Variants in ESR1 observed in about 807,000 individuals in gnomAD.
ESR1 encodes the protein estrogen receptor 1, also known as estrogen receptor.
Under a neutral mutation model 52.7 loss-of-function variants are expected in ESR1, and 12 were observed. The ratio of observed to expected loss-of-function variants is 0.23; its 90% CI spans 0.15 to 0.37. The LOEUF (loss-of-function observed/expected upper bound fraction) is 0.37, where lower values mean the gene tolerates loss of function less well. Among genes scored for constraint, ESR1 ranks in the 10% least tolerant of loss-of-function variants. The pLI is 1.00. For synonymous variants in ESR1, 305 were observed against 316.8 expected (o/e 0.96, Z 0.39); for missense variants, 584 against 779.7 (o/e 0.75, Z 2.99).
chr6:151,689,995 CAGAA>C (rs1204343614), upstream of ESR1, among the ~76,000 whole-genome samples: 4 of 152,008 alleles, frequency 2.6e-5, no homozygotes, highest in African/African-American at 9.7e-5. Flanking sequence ...GATCATATGA[CAGAA>C]GGAAGGGCTG....
intron 4 of ESR1, among the ~76,000 whole-genome samples, chr6:151,991,432 G>A (rs2041001560): frequency 6.6e-6 from 1 of 150,958 alleles, no homozygotes; most frequent in African/African-American, 2.5e-5. Context: ...CCTGCTAAGT[G>A]CTACAAGGAA....
chr6:151,896,838 C>T (rs117273395), intron 3 of ESR1, among the ~76,000 whole-genome samples: 2,924 of 152,076 alleles, frequency 0.019, 56 homozygotes, highest in South Asian at 0.086. Context: ...CTTTCCTCTT[C>T]GCATTGCTTT....
At chr6:151,879,454 G>C (rs1792410407) in intron 2 of ESR1, among the ~76,000 whole-genome samples, 1 of 152,108 alleles carries the variant, frequency 6.6e-6, no homozygotes, top group East Asian at 1.9e-4. Context: ...CTGGGAACAA[G>C]GGATAAGATA....
chr6:151,738,375 T>C (rs948929309), intron 2 of ESR1, among the ~76,000 whole-genome samples: 15 of 152,324 alleles, frequency 9.8e-5, no homozygotes, highest in African/African-American at 3.1e-4. Flanking sequence ...TTTGGGTATA[T>C]GTCCAGAAGT....
At chr6:151,760,485 C>T (rs1410157058) in intron 2 of ESR1, among the ~76,000 whole-genome samples, 1 of 152,194 alleles carries the variant, frequency 6.6e-6, no homozygotes, top group African/African-American at 2.4e-5. Context: ...GTGTTTCCAT[C>T]TTGAGAGCCA....
intron 3 of ESR1, among the ~76,000 whole-genome samples, chr6:151,929,245 G>C (rs1022467903): frequency 1.3e-5 from 2 of 152,040 alleles, no homozygotes; most frequent in Non-Finnish European, 2.9e-5. Context: ...ATTCACTTTT[G>C]TTAGGTATAC....
chr6:152,090,806 G>T (rs2050117834), intron 6 of ESR1, among the ~76,000 whole-genome samples: 1 of 152,182 alleles, frequency 6.6e-6, no homozygotes, highest in African/African-American at 2.4e-5. Context: ...TCTTGTACAT[G>T]GGGGTGTCCT....
intron 4 of ESR1, among the ~76,000 whole-genome samples, chr6:151,958,546 T>C (rs938197916): frequency 6.6e-6 from 1 of 152,190 alleles, no homozygotes; most frequent in Admixed American, 6.5e-5. Context: ...GATGTGGCAG[T>C]TGGTCATCAT....
chr6:151,823,273 A>T (rs1488918277), intron 1 of ESR1, among the ~76,000 whole-genome samples: 1 of 152,086 alleles, frequency 6.6e-6, no homozygotes, highest in African/African-American at 2.4e-5. Context: ...CTGCTTTTCT[A>T]CCAGGAAAGG....
chr6:152,031,411 A>G (rs187693879), intron 5 of ESR1, among the ~76,000 whole-genome samples: 89 of 152,332 alleles, frequency 5.8e-4, no homozygotes, highest in African/African-American at 1.7e-3. Context: ...TAAAGAAGAA[A>G]AGAGAGAAGA....
In ESR1 at chr6:152,021,466, TTC is replaced by T. The variant is rs572728257; in HGVS notation, c.1235+9674_1235+9675del. On this transcript the variant is annotated intron_variant, in intron 5 of 7. Transcript: ENST00000206249. Reference sequence around the variant, plus strand: ...AACCCTGACTAATACACCCAGTGTGTTCTTTTATCAAATAGAAAGGAGATATA... The same window carrying T: ...AACCCTGACTAATACACCCAGTGTGTTTTTATCAAATAGAAAGGAGATATA... 7.9e-5 allele frequency among the ~76,000 whole-genome samples: 12 copies of T among 152,306 alleles called. No individual in the cohort carries two copies. In the South Asian group the frequency reaches 2.5e-3, roughly 32 times the overall value.
At chr6:151,719,989 A>C (rs1282888873) in intron 2 of ESR1, among the ~76,000 whole-genome samples, 1 of 152,236 alleles carries the variant, frequency 6.6e-6, no homozygotes, top group African/African-American at 2.4e-5. Context: ...TACATGACTA[A>C]ACTAGCAGCT....
At chr6:152,128,417 G>C (rs746699444) in exon 7 of ESR1, 7 of 152,140 alleles carry the variant, frequency 4.6e-5, no homozygotes, top group Non-Finnish European at 8.8e-5. Context: ...TAATTTTGTA[G>C]GCCCAGGGCC....
intron 2 of ESR1, among the ~76,000 whole-genome samples, chr6:151,782,340 CT>C (rs1472369643): frequency 6.6e-6 from 1 of 152,076 alleles, no homozygotes; most frequent in Non-Finnish European, 1.5e-5. Flanking sequence ...CATTTTCTTA[CT>C]TTACGTAAGA....
intron 3 of ESR1, among the ~76,000 whole-genome samples, chr6:151,895,035 ATTTG>A (rs1795270056): frequency 6.6e-6 from 1 of 150,398 alleles, no homozygotes; most frequent in Non-Finnish European, 1.5e-5. Flanking sequence ...ATGTGTTTCC[ATTTG>A]TTTGTGTCAT....
rs184099734 is a variant in ESR1 at position 151,960,168 on chromosome 6, G to A, written c.1096+15660G>A. Among the ~76,000 whole-genome samples, 580 of 152,310 alleles carry A rather than the reference G, an allele frequency of 3.8e-3. 2 individuals carry two copies. The highest frequency in any genetic ancestry group is 6.9e-3 in the Non-Finnish European group (467 of 68,026). Reference sequence around the variant, plus strand: ...TGGAAATGGCAGCTCCAGGTTCATTGATTGCTTTGTTCATTCGGCACTTTT... The same window carrying A: ...TGGAAATGGCAGCTCCAGGTTCATTAATTGCTTTGTTCATTCGGCACTTTT... On this transcript the variant is annotated intron_variant, in intron 4 of 7. Coordinates refer to ENST00000206249, the MANE Select transcript of ESR1 (RefSeq NM_000125.4).
chr6:151,864,832 G>T (rs1319893309), intron 2 of ESR1, among the ~76,000 whole-genome samples: 1 of 151,450 alleles, frequency 6.6e-6, no homozygotes, highest in Non-Finnish European at 1.5e-5. Context: ...GCAAACTATT[G>T]CAAGGACAAA....
chr6:151,669,530 A>C (rs1421859628), intron 1 of ESR1, among the ~76,000 whole-genome samples: 1 of 152,164 alleles, frequency 6.6e-6, no homozygotes, highest in East Asian at 1.9e-4. Context: ...AGTCCGAACC[A>C]AGGGTGAAGG....
chr6:151,679,536 G>A (rs1276091983), intron 1 of ESR1, among the ~76,000 whole-genome samples: 1 of 151,988 alleles, frequency 6.6e-6, no homozygotes, highest in Non-Finnish European at 1.5e-5. Flanking sequence ...TTTTAGTAGA[G>A]ACAGGGTTTC....
Sources: allele counts gnomAD v4.1 joint callset (sites outside exome capture counted in the v4.1 genomes callset), GRCh38; gene constraint gnomAD v4.1.1; transcripts MANE v1.5; gene names NCBI Gene and HGNC (gene_info 2026-07-23, HGNC 2026-07-21).